Variants in NUP205 observed in about 807,000 individuals in gnomAD.
NUP205 encodes nucleoporin 205, also known as nuclear pore complex protein Nup205.
A neutral mutation model predicts 253.8 loss-of-function variants in NUP205; 76 were observed. The observed-to-expected ratio is 0.30, with a 90% CI of 0.25 to 0.36. The LOEUF is 0.36. Ranked by LOEUF, NUP205 falls within the 10% of genes least tolerant of loss-of-function variation. The pLI, the probability that NUP205 is intolerant of heterozygous loss-of-function variation, is 1.00. For synonymous variants in NUP205, 832 were observed against 850.1 expected, an observed-to-expected ratio of 0.98 and a Z score of 0.37; for missense variants, 2,162 against 2,425.5, an observed-to-expected ratio of 0.89 and a Z score of 2.28.
intron 35 of NUP205, 91 bp downstream of exon 35, chr7:135,630,561 A>G (rs997866968): frequency 8.4e-7 from 1 of 1,184,158 alleles, no homozygotes; most frequent in Admixed American, 2.8e-5. Flanking sequence ...TTGCAGCTAT[A>G]TATGACTTAT....
intron 27 of NUP205, among the ~76,000 whole-genome samples, chr7:135,618,084 A>C (rs1254577142): frequency 1.3e-5 from 2 of 152,172 alleles, no homozygotes; most frequent in African/African-American, 4.8e-5. Flanking sequence ...ATGTCAGAGA[A>C]ACATGCCATT....
intron 37 of NUP205, 138 bp from the exon 38 acceptor site, chr7:135,638,419 A>G (rs1185786428): frequency 3.8e-6 from 3 of 786,958 alleles, no homozygotes; most frequent in Non-Finnish European, 5.8e-6. Context: ...CATCTGAAAA[A>G]AAAAAAAAAA....
At position 135,619,471 on chromosome 7, in the gene NUP205, G is replaced by A; in HGVS notation, c.4012G>A (p.Ala1338Thr). 6.2e-7 allele frequency: 1 copy of A among 1,613,588 alleles called. No homozygotes were observed. The highest frequency in any genetic ancestry group is 8.5e-7 in the Non-Finnish European group (1 of 1,180,004). ...AQELMPVVAG[A>T]VFTLTAHLSQ... ...AGAGTTAATGCCTGTGGTCGCCGGG[G>A]CAGTGTTCACACTGACTGCTCACCT... The change falls in exon 29 of 43, where the codon GCA becomes ACA. Residue 1338 changes from alanine to threonine, a missense_variant. By Grantham distance (58) the Ala-to-Thr change is moderately conservative (BLOSUM62 0). Around this residue, in one of 5 missense-constraint regions of NUP205, gnomAD observed 1,144 missense variants for 1,280.9 expected, o/e 0.89. Coordinates refer to ENST00000285968, the MANE Select transcript of NUP205 (RefSeq NM_015135.3).
rs114786864 is a variant in NUP205 at position 135,648,562 on chromosome 7, C to T, written c.*6C>T. On this transcript the variant is annotated 3_prime_UTR_variant, in exon 43 of 43. Coordinates refer to ENST00000285968, the MANE Select transcript of NUP205 (RefSeq NM_015135.3). The stretch of plus-strand genomic sequence containing the variant: ...TGAGGATATCAAGGAACTGAGAGCC[C>T]GTGCTTATGCTCTTCTATGAGAGAG... 2.5e-3 allele frequency: 3,801 copies of T among 1,529,348 alleles called. 78 individuals carry two copies. The African/African-American group carries it at 0.047, about 19-fold the overall frequency. The allele number at this position is 1,529,348 out of a possible 1,614,324, so 94.7% of individuals were successfully genotyped here. A position where few individuals can be genotyped will look rare whatever the true frequency, so the allele number is the denominator to read the frequency against.
At chr7:135,564,084 C>G (rs959109755) in intron 1 of NUP205, among the ~76,000 whole-genome samples, 2 of 147,734 alleles carry the variant, frequency 1.4e-5, no homozygotes, top group African/African-American at 5.0e-5. Flanking sequence ...TTTTTTTTTT[C>G]TTTTTCTTCT....
intron 1 of NUP205, among the ~76,000 whole-genome samples, chr7:135,568,812 C>T (rs539681261): frequency 6.6e-6 from 1 of 152,304 alleles, no homozygotes; most frequent in African/African-American, 2.4e-5. Flanking sequence ...ATCCTTTGCT[C>T]ACACTTGTTC....
At chr7:135,595,821 C>G (rs530641680) in intron 13 of NUP205, among the ~76,000 whole-genome samples, 4 of 151,974 alleles carry the variant, frequency 2.6e-5, no homozygotes, top group African/African-American at 9.7e-5. Context: ...AATATGGATG[C>G]GCTTTATAGA....
chr7:135,594,808 G>C, intron 13 of NUP205, 79 bp downstream of exon 13: 1 of 1,114,100 alleles, frequency 9.0e-7, no homozygotes, highest in Non-Finnish European at 1.3e-6. Context: ...GCAAGAACAT[G>C]CAATTGGAAC....
chr7:135,564,224 C>G (rs1805679641), intron 1 of NUP205, among the ~76,000 whole-genome samples: 2 of 150,908 alleles, frequency 1.3e-5, no homozygotes, highest in African/African-American at 4.9e-5. Flanking sequence ...AGACTATAGG[C>G]ACAAGCCACC....
In NUP205 at chr7:135,571,132, A is replaced by G; in HGVS notation, c.56A>G (p.Asp19Gly). 4 of 1,551,390 alleles carry G rather than the reference A, an allele frequency of 2.6e-6. No individual in the cohort carries two copies. Among genetic ancestry groups the G allele is most frequent in the Non-Finnish European group, 2.6e-6 (3 of 1,149,134 alleles). The change falls in exon 2 of 43, where the codon GAC (aspartate) becomes GGC (glycine). Residue 19 changes from aspartate to glycine, a missense_variant. By Grantham distance (94) the Asp-to-Gly change is moderately conservative. Transcript: ENST00000285968. ...SAASLWGPYK[D>G]IWHKVGNALW... ...GCTAGTCTATGGGGTCCTTACAAAGACATTTGGCATAAAGTGGGAAATGCT... is the reference window on the plus strand; with the variant it reads ...GCTAGTCTATGGGGTCCTTACAAAGGCATTTGGCATAAAGTGGGAAATGCT...
At chr7:135,575,659 A>G (rs1806131618) in intron 3 of NUP205, among the ~76,000 whole-genome samples, 1 of 152,086 alleles carries the variant, frequency 6.6e-6, no homozygotes, top group Non-Finnish European at 1.5e-5. Flanking sequence ...GCTGGGTGCT[A>G]TGGCAAGTGC....
chr7:135,645,630 A>ATACCTAT (rs1385363518), intron 41 of NUP205, 34 bp downstream of exon 41: 4 of 1,598,538 alleles, frequency 2.5e-6, no homozygotes, highest in Non-Finnish European at 3.4e-6. Flanking sequence ...TGAACCATAA[A>ATACCTAT]TACCTATTTG....
chr7:135,622,844 C>T lies in NUP205; in HGVS notation c.4398C>T (p.Asn1466=). 1.2e-6 allele frequency: 2 copies of T among 1,614,024 alleles called. No homozygotes were observed. The highest frequency in any genetic ancestry group is 1.7e-6 in the Non-Finnish European group (2 of 1,179,964). Reference sequence around the variant, plus strand: ...TATTTAGCAAATTACAGCGAGAAAACATAGCCATTATTGAAAGTTATGGCG... The same window carrying T: ...TATTTAGCAAATTACAGCGAGAAAATATAGCCATTATTGAAAGTTATGGCG... ...EDVFSKLQRE[N]IAIIESYGAA... The change falls in exon 31 of 43, where the codon AAC becomes AAT. Residue 1466 remains asparagine (N), a synonymous_variant. Transcript: ENST00000285968.
chr7:135,593,410 A>T (rs1450561834), intron 12 of NUP205, among the ~76,000 whole-genome samples: 1 of 152,194 alleles, frequency 6.6e-6, no homozygotes, highest in Non-Finnish European at 1.5e-5. Context: ...TAAAAATAAT[A>T]GCCTGAGCCT....
Position 135,638,598 on chromosome 7 carries a change from A to G in NUP205, c.5307A>G (p.Leu1769=). ...TGGAATATTGCCAGTCACTCATGTT[A>G]CAGAGTTCCCCTACCTTCCAGCATG... ...NVMEYCQSLM[L]QSSPTFQHAV... The change falls in exon 38 of 43, where the codon TTA becomes TTG. Residue 1769 remains leucine (L), a synonymous_variant. Transcript: ENST00000285968. 6.2e-7 allele frequency: 1 copy of G among 1,613,834 alleles called. No homozygotes were observed. The highest frequency in any genetic ancestry group is 8.5e-7 in the Non-Finnish European group (1 of 1,179,790).
At position 135,645,538 on chromosome 7, in the gene NUP205, G is replaced by A. The variant is rs372980388; in HGVS notation, c.5754G>A (p.Thr1918=). The change falls in exon 41 of 43, where the codon ACG becomes ACA. Residue 1918 remains threonine, a synonymous_variant. Transcript: ENST00000285968. ...ACTACTTGTTACATTGCATGCCCAC[G>A]GATTCTCAAGATTCCTTATTTGCCT... The part of the protein sequence containing the change: ...LEYYLLHCMP[T]DSQDSLFASR... The A allele has an allele frequency of 4.1e-5, 66 of 1,613,826 alleles. No homozygotes were observed. The highest frequency in any genetic ancestry group is 5.4e-5 in the Non-Finnish European group (64 of 1,179,896).
chr7:135,641,970 T>G (rs1794921595), intron 38 of NUP205, among the ~76,000 whole-genome samples: 1 of 150,348 alleles, frequency 6.7e-6, no homozygotes, highest in South Asian at 2.1e-4. Context: ...TGCCACAGTG[T>G]TGGGCCAGGT....
intron 37 of NUP205, 143 bp from the exon 38 acceptor site, chr7:135,638,414 G>GAA (rs372398905): frequency 0.019 from 8,532 of 460,380 alleles, 8 homozygotes; most frequent in East Asian, 0.028. Context: ...GACTCCATCT[G>GAA]AAAAAAAAAA....
At chr7:135,570,788 T>TAATTTATATTAA (rs35185893) in intron 1 of NUP205, among the ~76,000 whole-genome samples, 8 of 48,970 alleles carry the variant, frequency 1.6e-4, no homozygotes, top group Admixed American at 2.9e-4. Flanking sequence ...TTAATTATAT[T>TAATTTATATTAA]TATATATTAT....
Sources: gnomAD v4.1 joint callset for allele counts (sites outside exome capture counted in the v4.1 genomes callset) on GRCh38, gnomAD v4.1.1 for gene constraint, gnomAD v4.1.1 regional missense constraint, MANE v1.5 for transcripts, NCBI Gene and HGNC (gene_info 2026-07-23, HGNC 2026-07-21) for gene names.